Variants in TJP2 observed in about 807,000 individuals in gnomAD.
TJP2 encodes the protein Friedreich ataxia region gene X104 (tight junction protein ZO-2).
A neutral mutation model predicts 133.1 loss-of-function variants in TJP2; 91 were observed. The ratio of observed to expected loss-of-function variants is 0.68; its 90% CI spans 0.58 to 0.81. The LOEUF (loss-of-function observed/expected upper bound fraction) is 0.81, where lower values mean the gene tolerates loss of function less well. Ranked by LOEUF, TJP2 falls within the 40% of genes least tolerant of loss-of-function variation. The probability of loss-of-function intolerance (pLI) is 0.00; values close to 1 mark genes in which losing one functional copy is unlikely to be tolerated. For synonymous variants in TJP2, 592 were observed against 583.4 expected, an observed-to-expected ratio of 1.01 and a Z score of -0.21; for missense variants, 1,541 against 1,565.6, an observed-to-expected ratio of 0.98 and a Z score of 0.26.
At chr9:69,131,092 A>G (rs979025214) in intron 1 of TJP2, among the ~76,000 whole-genome samples, 2 of 152,298 alleles carry the variant, frequency 1.3e-5, no homozygotes, top group Non-Finnish European at 2.9e-5. Flanking sequence ...CCCAGGGATC[A>G]TGACTAAGTT....
At chr9:69,193,675 AC>A (rs1826358717) in intron 1 of TJP2, among the ~76,000 whole-genome samples, 1 of 35,632 alleles carries the variant, frequency 2.8e-5, no homozygotes, top group African/African-American at 7.5e-5. Context: ...AAACACCTGA[AC>A]TTTTTTTTTT....
intron 2 of TJP2, among the ~76,000 whole-genome samples, chr9:69,168,912 T>C (rs553379380): frequency 3.3e-5 from 5 of 149,904 alleles, no homozygotes; most frequent in Middle Eastern, 3.4e-3. Flanking sequence ...ACAGGGGCCA[T>C]TGAGTGGGGT....
chr9:69,205,533 T>G (rs1827332551), intron 1 of TJP2, among the ~76,000 whole-genome samples: 1 of 152,256 alleles, frequency 6.6e-6, no homozygotes, highest in African/African-American at 2.4e-5. Context: ...GGGTAGAGCT[T>G]AACATACTGG....
chr9:69,234,195 G>A (rs527598339), intron 11 of TJP2, among the ~76,000 whole-genome samples: 18 of 152,222 alleles, frequency 1.2e-4, no homozygotes, highest in Admixed American at 7.2e-4. Context: ...TCTAAGGTGC[G>A]GTTGGCAGTA....
chr9:69,238,881 C>G, intron 16 of TJP2, 92 bp downstream of exon 16: 2 of 1,105,208 alleles, frequency 1.8e-6, no homozygotes, highest in Non-Finnish European at 2.7e-6. Context: ...TACTTTTAAT[C>G]ATTAAATGTT....
chr9:69,199,186 C>G (rs1368255585), intron 1 of TJP2, among the ~76,000 whole-genome samples: 7 of 152,212 alleles, frequency 4.6e-5, no homozygotes, highest in Non-Finnish European at 1.0e-4. Flanking sequence ...TTTCTTTACA[C>G]TATCCCTTTC....
chr9:69,205,435 T>C, intron 1 of TJP2: 1 of 1,092,874 alleles, frequency 9.2e-7, no homozygotes, highest in African/African-American at 1.6e-5. Flanking sequence ...TTAGCAGATC[T>C]ATGTGAAACT....
chr9:69,248,038 A>C lies in TJP2; in HGVS notation c.2694A>C (p.Glu898Asp). 6.2e-7 allele frequency: 1 copy of C among 1,611,128 alleles called. No homozygotes were observed. The highest frequency in any genetic ancestry group is 8.5e-7 in the Non-Finnish European group (1 of 1,177,742). The change falls in exon 19 of 23, where the codon GAA becomes GAC. Residue 898 changes from glutamate to aspartate, a missense_variant. Physicochemically the swap from Glu to Asp is conservative, Grantham distance 45. Coordinates refer to ENST00000377245, the MANE Select transcript of TJP2 (RefSeq NM_004817.4). ...TGGAAGGGATGGATGATGACCCCGA[A>C]GACCGCATGTCCTACTTAACCGCCA... ...GKMEGMDDDP[E>D]DRMSYLTAMG... is the part of the protein sequence containing the mutation.
chr9:69,191,744 T>A (rs1351469069), intron 1 of TJP2, among the ~76,000 whole-genome samples: 7 of 152,158 alleles, frequency 4.6e-5, no homozygotes, highest in East Asian at 1.9e-4. Flanking sequence ...TTTTAAAATT[T>A]TTTTTTTTTT....
chr9:69,232,448 T>A (rs1829860160), intron 11 of TJP2, among the ~76,000 whole-genome samples: 1 of 152,206 alleles, frequency 6.6e-6, no homozygotes, highest in South Asian at 2.1e-4. Context: ...AAAGGACTGT[T>A]CAATGTAACC....
Position 69,228,023 on chromosome 9 carries a change from G to A in TJP2, c.1362G>A (p.Ala454=), listed in dbSNP as rs768414303. The A allele has an allele frequency of 1.1e-5, 18 of 1,613,948 alleles. No homozygotes were observed. The highest frequency in any genetic ancestry group is 2.2e-5 in the East Asian group (1 of 44,888). Residue 454 remains alanine, a synonymous_variant, in exon 9 of 23, where the codon GCG becomes GCA. Coordinates refer to ENST00000377245, the MANE Select transcript of TJP2 (RefSeq NM_004817.4). ...DTPSRLSRMG[A]TPTPFKSTGD... is the part of the protein sequence containing the mutation. ...CGAGCAGATTGTCCAGGATGGGTGC[G>A]ACACCCACTCCCTTTAAGTCCACAG...
chr9:69,248,153 C>G lies in TJP2; in HGVS notation c.2809C>G (p.Leu937Val). 1 of 1,613,922 alleles carries G rather than the reference C, an allele frequency of 6.2e-7. No individual in the cohort carries two copies. Among genetic ancestry groups the G allele is most frequent in the Middle Eastern group, 1.6e-4 (1 of 6,062 alleles). The part of the protein sequence containing the change: ...GEGGAYTDNE[L>V]DEPAEEPLVS... ...AGGAGGCGCCTACACTGACAATGAG[C>G]TGGATGAGCCAGCCGAGGAGCCGCT... The change falls in exon 19 of 23, where the codon CTG becomes GTG. Residue 937 changes from leucine to valine, a missense_variant. Physicochemically the swap from Leu to Val is conservative, Grantham distance 32. Transcript: ENST00000377245.
At chr9:69,241,029 A>C (rs961747181) in intron 17 of TJP2, among the ~76,000 whole-genome samples, 1 of 152,182 alleles carries the variant, frequency 6.6e-6, no homozygotes, top group Non-Finnish European at 1.5e-5. Flanking sequence ...TATAGACAGG[A>C]CAAGACTGGC....
intron 2 of TJP2, among the ~76,000 whole-genome samples, chr9:69,167,182 G>A (rs1587949741): frequency 1.3e-5 from 2 of 152,042 alleles, no homozygotes; most frequent in African/African-American, 4.8e-5. Context: ...ACGTTGCAGT[G>A]AGCCTAGATC....
chr9:69,165,724 A>G (rs1824315640), intron 2 of TJP2, among the ~76,000 whole-genome samples: 1 of 152,188 alleles, frequency 6.6e-6, no homozygotes, highest in Admixed American at 6.5e-5. Flanking sequence ...TAAAATAGTA[A>G]AAGCTGTCAT....
chr9:69,251,503 C>T (rs1351175125), intron 21 of TJP2, 139 bp downstream of exon 21: 5 of 876,178 alleles, frequency 5.7e-6, no homozygotes, highest in Admixed American at 2.2e-5. Context: ...GTGTATGTCA[C>T]TTCAGATTGC....
chr9:69,207,371 G>A (rs1265147664), intron 1 of TJP2, among the ~76,000 whole-genome samples: 5 of 152,056 alleles, frequency 3.3e-5, no homozygotes, highest in Non-Finnish European at 7.4e-5. Flanking sequence ...TCCCTTTTGT[G>A]GTGGTCTATG....
rs549324262 is a variant in TJP2, at chr9:69,184,006, C to T, written c.60+9574C>T. Among the ~76,000 whole-genome samples the T allele has an allele frequency of 5.9e-5, 9 of 152,346 alleles. No individual in the cohort carries two copies. In the South Asian group the frequency reaches 8.3e-4, roughly 14 times the overall value. The stretch of plus-strand genomic sequence containing the variant: ...CTGGGATTATAAATGCGAGCCACCA[C>T]GCCCAGCCAGGTTACAGATGTTTAA... On this transcript the variant is annotated intron_variant, in intron 1 of 22. Transcript: ENST00000377245.
chr9:69,254,463 AGAATGCACCAT>A lies in TJP2; in HGVS notation c.*91_*101del, dbSNP rs763139384. ...CCGCCGGGATGGTTCTTCTCCAGTT[AGAATGCACCAT>A]GGAGACGTGGTGGGACTCCAGCTCG... On this transcript the variant is annotated 3_prime_UTR_variant, in exon 23 of 23. Coordinates refer to ENST00000377245, the MANE Select transcript of TJP2 (RefSeq NM_004817.4). 1 of 1,542,934 alleles carries A rather than the reference AGAATGCACCAT, an allele frequency of 6.5e-7. No homozygotes were observed. The highest frequency in any genetic ancestry group is 1.4e-5 in the African/African-American group (1 of 73,728).
Sources: gnomAD v4.1 joint callset for allele counts (sites outside exome capture counted in the v4.1 genomes callset) on GRCh38, gnomAD v4.1.1 for gene constraint, MANE v1.5 for transcripts, NCBI Gene and HGNC (gene_info 2026-07-23, HGNC 2026-07-21) for gene names.